CDKN3: variants seen among roughly 807,000 people sequenced by gnomAD.
CDKN3 encodes cyclin-dependent kinase inhibitor 3.
CDKN3 carries 19 observed loss-of-function variants against 36.1 expected under a neutral mutation model. The ratio of observed to expected loss-of-function variants is 0.53; its 90% CI spans 0.37 to 0.77. The LOEUF (loss-of-function observed/expected upper bound fraction) is 0.77. Among genes scored for constraint, CDKN3 ranks in the 30% least tolerant of loss-of-function variants. The pLI is 0.00. For synonymous variants in CDKN3, 71 were observed against 85.3 expected (o/e 0.83, Z 0.92); for missense variants, 188 against 248.6 (o/e 0.76, Z 1.64).
intron 7 of CDKN3, 91 bp from the exon 8 acceptor site, chr14:54,419,901 T>C: frequency 3.3e-6 from 2 of 607,642 alleles, no homozygotes; most frequent in East Asian, 3.0e-5. Context: ...TTAGCAAGTA[T>C]TTTTTTTTAT....
rs113342693 is a variant in CDKN3, at chr14:54,398,987, C to CTTTTTTTTTTTTTTTTTTTTTTTTT, written c.10-889_10-888insTTTTTTTTTTTTTTTTTTTTTTTTT. Among the ~76,000 whole-genome samples, 3 of 109,270 alleles carry CTTTTTTTTTTTTTTTTTTTTTTTTT rather than the reference C, an allele frequency of 2.7e-5. 1 individual carries two copies. Among genetic ancestry groups the CTTTTTTTTTTTTTTTTTTTTTTTTT allele is most frequent in the African/African-American group, 3.5e-5 (1 of 28,928 alleles). 71.7% of individuals were successfully genotyped at this position (109,270 alleles called of 152,430 possible). On this transcript the variant is annotated intron_variant, in intron 1 of 7. Transcript: ENST00000335183. ...TTCTTTCCTTTCTTTTTTCTTCTTC[C>CTTTTTTTTTTTTTTTTTTTTTTTTT]TTTTTTTTTTTTTTTTTTGGCAGAG...
intron 7 of CDKN3, among the ~76,000 whole-genome samples, chr14:54,419,312 A>G (rs942657146): frequency 1.1e-4 from 16 of 152,198 alleles, no homozygotes; most frequent in African/African-American, 3.9e-4. Flanking sequence ...ATTACTACAG[A>G]CTCAGTTTAT....
chr14:54,411,530 CA>C lies in CDKN3; in HGVS notation c.241del (p.Arg81GlufsTer36). ...TACAAGACATATTTGTTTTCTGCAC[CA>C]GAGGGGAACTGTCAAAATATAGAGT... is the stretch of plus-strand genomic sequence containing the variant. ...GIQDIFVFCT[R>X]GELSKYRVPN... is the part of the protein sequence containing the mutation. On this transcript the variant is annotated frameshift_variant, in exon 5 of 8. Transcript: ENST00000335183. LOFTEE classifies it high-confidence loss of function. 1.9e-6 allele frequency: 3 copies of C among 1,613,920 alleles called. No homozygotes were observed. Among genetic ancestry groups the C allele is most frequent in the Non-Finnish European group, 2.5e-6 (3 of 1,180,010 alleles).
Position 54,408,734 on chromosome 14 carries a change from A to G in CDKN3, c.149-11A>G, listed in dbSNP as rs1210096689. Reference sequence around the variant, plus strand: ...AACTGACTTTTTTACTTGCTTTATTATTACTTATAGGTTGTAAATTTAAAG... The same window carrying G: ...AACTGACTTTTTTACTTGCTTTATTGTTACTTATAGGTTGTAAATTTAAAG... On this transcript the variant is annotated splice_polypyrimidine_tract_variant and intron_variant, in intron 3 of 7. Coordinates refer to ENST00000335183, the MANE Select transcript of CDKN3 (RefSeq NM_005192.4). 6.4e-7 allele frequency: 1 copy of G among 1,571,736 alleles called. No homozygotes were observed. Among genetic ancestry groups the G allele is most frequent in the Non-Finnish European group, 8.6e-7 (1 of 1,165,194 alleles).
rs1247645275 is a variant in CDKN3 at position 54,415,895 on chromosome 14, T to C, written c.417-4T>C. 1.2e-6 allele frequency: 2 copies of C among 1,602,340 alleles called. No individual in the cohort carries two copies. Among genetic ancestry groups the C allele is most frequent in the South Asian group, 2.2e-5 (2 of 90,712 alleles). ...CAAACTTCAAAACTGTATTTCCCTT[T>C]CAGCTGCTATGGAGGACTTGGGAGA... On this transcript the variant is annotated splice_polypyrimidine_tract_variant and splice_region_variant and intron_variant, in intron 5 of 7. Coordinates refer to ENST00000335183, the MANE Select transcript of CDKN3 (RefSeq NM_005192.4).
intron 5 of CDKN3, chr14:54,412,989 A>T (rs2139983922): frequency 4.5e-6 from 2 of 443,326 alleles, no homozygotes; most frequent in East Asian, 1.4e-4. Context: ...CTCCTCTTAA[A>T]CCTATAGCCC....
chr14:54,404,560 G>T (rs1300534685), intron 3 of CDKN3, among the ~76,000 whole-genome samples: 3 of 151,438 alleles, frequency 2.0e-5, no homozygotes, highest in African/African-American at 7.3e-5. Flanking sequence ...CTTCAGTTCT[G>T]CTCTGATCTT....
chr14:54,401,585 T>C lies in CDKN3; in HGVS notation c.148+6T>C, dbSNP rs1380294356. 6.3e-7 allele frequency: 1 copy of C among 1,587,876 alleles called. No homozygotes were observed. The highest frequency in any genetic ancestry group is 1.7e-5 in the Admixed American group (1 of 59,544). On this transcript the variant is annotated splice_donor_region_variant and intron_variant, in intron 3 of 7. Transcript: ENST00000335183. Reference sequence around the variant, plus strand: ...CGGTTTATGTGCTCTTCCAGGTGGGTAACACAATAATGGGCTTCCTATCAA... The same window carrying C: ...CGGTTTATGTGCTCTTCCAGGTGGGCAACACAATAATGGGCTTCCTATCAA...
chr14:54,415,972 A>G, intron 6 of CDKN3, 42 bp downstream of exon 6: 1 of 1,372,940 alleles, frequency 7.3e-7, no homozygotes. Flanking sequence ...CGCCAAATAG[A>G]CAAACTTCTG....
chr14:54,401,981 C>A (rs141338650), intron 3 of CDKN3, among the ~76,000 whole-genome samples: 16,231 of 152,008 alleles, frequency 0.11, 1,195 homozygotes, highest in Non-Finnish European at 0.16. Context: ...AGGCCGAGGC[C>A]GGCAGATCAC....
chr14:54,406,353 T>C (rs1444219594), intron 3 of CDKN3, among the ~76,000 whole-genome samples: 1 of 152,146 alleles, frequency 6.6e-6, no homozygotes, highest in Non-Finnish European at 1.5e-5. Flanking sequence ...CTTTGTGGTG[T>C]TCTCTATATT....
Position 54,399,946 on chromosome 14 carries a change from A to G in CDKN3, c.62A>G (p.Glu21Gly). Residue 21 changes from glutamate (E) to glycine (G), a missense_variant, in exon 2 of 8, where the codon GAA (glutamate) becomes GGA (glycine). Coordinates refer to ENST00000335183, the MANE Select transcript of CDKN3 (RefSeq NM_005192.4). ...EFDSSDEEPI[E>G]DEQTPIHISW... is the part of the protein sequence containing the mutation. ...GACTCATCAGATGAAGAGCCTATTG[A>G]AGATGAACAGACTCCAATTCATATA... is the stretch of plus-strand genomic sequence containing the variant. The G allele has an allele frequency of 6.4e-7, 1 of 1,558,182 alleles. No individual in the cohort carries two copies. Among genetic ancestry groups the G allele is most frequent in the Non-Finnish European group, 8.9e-7 (1 of 1,129,302 alleles).
chr14:54,412,889 G>T, intron 5 of CDKN3: 1 of 516,770 alleles, frequency 1.9e-6, no homozygotes, highest in Non-Finnish European at 3.9e-6. Flanking sequence ...GTTCCTTAAG[G>T]ACATTGCTTT....
intron 6 of CDKN3, 48 bp from the exon 7 acceptor site, chr14:54,417,800 G>T: frequency 9.8e-7 from 1 of 1,023,966 alleles, no homozygotes. Context: ...GCTGTACCCT[G>T]TCACTAGTTA....
chr14:54,397,038 C>T lies in CDKN3; in HGVS notation c.-31C>T, dbSNP rs1312795323. 8.1e-6 allele frequency: 12 copies of T among 1,483,196 alleles called. No homozygotes were observed. The highest frequency in any genetic ancestry group is 1.4e-5 in the African/African-American group (1 of 69,066). The allele number at this position is 1,483,196 out of a possible 1,614,324, so 91.9% of individuals were successfully genotyped here. The stretch of plus-strand genomic sequence containing the variant: ...GAGTCGCCGGCGCTGCAGAGGGAGG[C>T]GGCACTGGTCTCGACGTGGGGCGGC... On this transcript the variant is annotated 5_prime_UTR_variant, in exon 1 of 8. Transcript: ENST00000335183.
At chr14:54,401,162 G>C (rs2029922922) in intron 2 of CDKN3, among the ~76,000 whole-genome samples, 1 of 152,016 alleles carries the variant, frequency 6.6e-6, no homozygotes, top group African/African-American at 2.4e-5. Flanking sequence ...GTTTTTTGTA[G>C]AGACAGGATT....
chr14:54,418,660 G>A (rs1490890403), intron 7 of CDKN3, among the ~76,000 whole-genome samples: 2 of 152,220 alleles, frequency 1.3e-5, no homozygotes, highest in Non-Finnish European at 2.9e-5. Flanking sequence ...AATCCTGGCT[G>A]TTAGGCAGCT....
chr14:54,419,599 A>G (rs1220637053), intron 7 of CDKN3, among the ~76,000 whole-genome samples: 2 of 152,208 alleles, frequency 1.3e-5, no homozygotes, highest in African/African-American at 4.8e-5. Flanking sequence ...TGAGAAATGG[A>G]TTTTGTTAAA....
chr14:54,410,724 G>A (rs1402216683), intron 4 of CDKN3, among the ~76,000 whole-genome samples: 1 of 152,100 alleles, frequency 6.6e-6, no homozygotes, highest in Admixed American at 6.5e-5. Flanking sequence ...CAAGCAAACA[G>A]CTAAGTGATG....
Sources: gnomAD v4.1 joint callset for allele counts (sites outside exome capture counted in the v4.1 genomes callset) on GRCh38, gnomAD v4.1.1 for gene constraint, MANE v1.5 for transcripts, NCBI Gene and HGNC (gene_info 2026-07-23, HGNC 2026-07-21) for gene names.